Variants in CNTN4 observed in about 807,000 individuals in gnomAD.
CNTN4 encodes the protein contactin 4.
Under a neutral mutation model 122.5 loss-of-function variants are expected in CNTN4, and 77 were observed. That is an observed-to-expected ratio of 0.63 (90% confidence interval 0.52 to 0.76). The LOEUF (loss-of-function observed/expected upper bound fraction) is 0.76, where lower values mean the gene tolerates loss of function less well. Among genes scored for constraint, CNTN4 ranks in the 30% least tolerant of loss-of-function variants. The pLI is 0.00. For synonymous variants in CNTN4, 512 were observed against 447.0 expected (o/e 1.15, Z -1.83); for missense variants, 1,256 against 1,259.1 (o/e 1.00, Z 0.04).
chr3:2,247,022 T>C (rs1216206255), intron 2 of CNTN4, among the ~76,000 whole-genome samples: 1 of 152,000 alleles, frequency 6.6e-6, no homozygotes, highest in Non-Finnish European at 1.5e-5. Flanking sequence ...AGTACAAGCA[T>C]AGAATGGGAA....
intron 5 of CNTN4, among the ~76,000 whole-genome samples, chr3:2,741,509 C>G (rs1427502995): frequency 6.6e-6 from 1 of 152,206 alleles, no homozygotes; most frequent in Non-Finnish European, 1.5e-5. Context: ...GGCCGCTGTT[C>G]ATAATTATTC....
intron 3 of CNTN4, among the ~76,000 whole-genome samples, chr3:2,352,806 T>C (rs113405293): frequency 0.13 from 19,281 of 152,240 alleles, 1,527 homozygotes; most frequent in Non-Finnish European, 0.18. Context: ...GCAGGGGATC[T>C]ACTAGGCGAA....
intron 4 of CNTN4, among the ~76,000 whole-genome samples, chr3:2,603,711 G>A (rs1419076683): frequency 6.6e-6 from 1 of 152,162 alleles, no homozygotes; most frequent in African/African-American, 2.4e-5. Flanking sequence ...GTTATGGGCT[G>A]GTCTATTACT....
chr3:3,011,650 T>C (rs1198763439), intron 14 of CNTN4, among the ~76,000 whole-genome samples: 1 of 152,186 alleles, frequency 6.6e-6, no homozygotes. Flanking sequence ...TTTTGAGCAT[T>C]TGTTACCAGT....
intron 3 of CNTN4, among the ~76,000 whole-genome samples, chr3:2,490,417 A>C (rs2151660088): frequency 6.6e-6 from 1 of 152,290 alleles, no homozygotes; most frequent in Non-Finnish European, 1.5e-5. Context: ...TGTCTTTGGT[A>C]ATGTTCTTGT....
At chr3:2,307,296 G>A (rs1320863247) in intron 2 of CNTN4, among the ~76,000 whole-genome samples, 3 of 152,068 alleles carry the variant, frequency 2.0e-5, no homozygotes, top group Non-Finnish European at 4.4e-5. Flanking sequence ...GTAGCCGGGC[G>A]TGGTGGCGGG....
At chr3:2,404,706 A>G (rs923035413) in intron 3 of CNTN4, among the ~76,000 whole-genome samples, 2 of 152,174 alleles carry the variant, frequency 1.3e-5, no homozygotes, top group Non-Finnish European at 2.9e-5. Flanking sequence ...TCACAGTAAT[A>G]CTTAGATCGG....
chr3:2,950,208 A>G (rs964866379), intron 13 of CNTN4, among the ~76,000 whole-genome samples: 3 of 152,220 alleles, frequency 2.0e-5, no homozygotes, highest in African/African-American at 7.2e-5. Flanking sequence ...CTGGAGTGGG[A>G]TGCTGTGTAT....
chr3:2,538,040 A>T (rs990946738), intron 3 of CNTN4, among the ~76,000 whole-genome samples: 4 of 151,974 alleles, frequency 2.6e-5, no homozygotes, highest in Non-Finnish European at 5.9e-5. Context: ...AGGATATTGC[A>T]GATGTAATTA....
chr3:2,388,735 C>CT, intron 3 of CNTN4, among the ~76,000 whole-genome samples: 1 of 152,256 alleles, frequency 6.6e-6, no homozygotes, highest in Non-Finnish European at 1.5e-5. Flanking sequence ...ATCCCAGCTA[C>CT]TTGGGAGGCT....
intron 2 of CNTN4, among the ~76,000 whole-genome samples, chr3:2,115,939 G>A (rs1056664880): frequency 6.6e-6 from 1 of 152,204 alleles, no homozygotes; most frequent in African/African-American, 2.4e-5. Flanking sequence ...TGCCTAGCCT[G>A]TAAACTTGGT....
chr3:2,708,939 G>A (rs1206032794), intron 4 of CNTN4, among the ~76,000 whole-genome samples: 1 of 152,180 alleles, frequency 6.6e-6, no homozygotes, highest in Non-Finnish European at 1.5e-5. Context: ...ACCCAATCAT[G>A]TATGGATGAT....
intron 3 of CNTN4, among the ~76,000 whole-genome samples, chr3:2,424,205 T>C (rs1397523740): frequency 4.0e-5 from 4 of 99,874 alleles, no homozygotes; most frequent in African/African-American, 7.4e-5. Flanking sequence ...CCTAATGCTA[T>C]CCCTCCCCCC....
At chr3:2,424,881 T>C (rs532615027) in intron 3 of CNTN4, among the ~76,000 whole-genome samples, 7 of 152,208 alleles carry the variant, frequency 4.6e-5, no homozygotes, top group Non-Finnish European at 8.8e-5. Context: ...TTGAGAAGTG[T>C]CTGTTCATAT....
At chr3:2,842,606 G>A (rs537899422) in intron 7 of CNTN4, among the ~76,000 whole-genome samples, 259 of 152,088 alleles carry the variant, frequency 1.7e-3, no homozygotes, top group South Asian at 8.1e-3. Flanking sequence ...TCTCTTTCAC[G>A]GACTCTTACC....
chr3:3,003,928 TTC>T (rs779213712), intron 14 of CNTN4, among the ~76,000 whole-genome samples: 14 of 151,942 alleles, frequency 9.2e-5, no homozygotes, highest in Non-Finnish European at 1.8e-4. Context: ...CTACTAATTT[TTC>T]TGTATTTTTT....
chr3:2,363,442 C>T lies in CNTN4; in HGVS notation c.-89+24209C>T, dbSNP rs139533625. 2.2e-4 allele frequency among the ~76,000 whole-genome samples: 34 copies of T among 152,286 alleles called. No homozygotes were observed. The East Asian group carries it at 6.6e-3, about 29-fold the overall frequency. On this transcript the variant is annotated intron_variant, in intron 3 of 24. Transcript: ENST00000418658. ...TGGTAAACATGCTGTTAGAACTAATCTTTCTGACTCCCAAGACTGCAACTT... is the reference window on the plus strand; with the variant it reads ...TGGTAAACATGCTGTTAGAACTAATTTTTCTGACTCCCAAGACTGCAACTT...
intron 3 of CNTN4, among the ~76,000 whole-genome samples, chr3:2,495,525 C>G (rs2076429661): frequency 6.6e-6 from 1 of 152,330 alleles, no homozygotes; most frequent in African/African-American, 2.4e-5. Context: ...GACAGGTTAC[C>G]TGTCTGTGGC....
In CNTN4 at chr3:3,046,248, C is replaced by G. The variant is rs1409566666; in HGVS notation, c.2811+2544C>G. On this transcript the variant is annotated intron_variant, in intron 23 of 24. Transcript: ENST00000418658. ...AACTTCCCCAGCCTAGCAAGGCAGG[C>G]CAACATTCAAATTCAGGAAATACAG... is the stretch of plus-strand genomic sequence containing the variant. Among the ~76,000 whole-genome samples the G allele has an allele frequency of 3.9e-5, 6 of 152,108 alleles. No individual in the cohort carries two copies. In the South Asian group the frequency reaches 1.2e-3, roughly 32 times the overall value.
Sources: gnomAD v4.1 joint callset for allele counts (sites outside exome capture counted in the v4.1 genomes callset) on GRCh38, gnomAD v4.1.1 for gene constraint, MANE v1.5 for transcripts, NCBI Gene and HGNC (gene_info 2026-07-23, HGNC 2026-07-21) for gene names.